Variants in EIPR1 observed in about 807,000 individuals in gnomAD.
EIPR1 encodes EARP and GARP complex-interacting protein 1.
EIPR1 carries 25 observed loss-of-function variants against 48.1 expected under a neutral mutation model. The ratio of observed to expected loss-of-function variants is 0.52; its 90% CI spans 0.38 to 0.73. The LOEUF is 0.73. Among genes scored for constraint, EIPR1 ranks in the 30% least tolerant of loss-of-function variants. The pLI, the probability that EIPR1 is intolerant of heterozygous loss-of-function variation, is 0.00. For synonymous variants in EIPR1, 204 were observed against 201.9 expected (o/e 1.01, Z -0.09); for missense variants, 415 against 506.2 (o/e 0.82, Z 1.73).
intron 4 of EIPR1, among the ~76,000 whole-genome samples, chr2:3,249,099 C>T (rs1216380884): frequency 1.3e-5 from 2 of 152,162 alleles, no homozygotes; most frequent in African/African-American, 4.8e-5. Context: ...AGCTTTGAGA[C>T]TGGGTAACGA....
intron 3 of EIPR1, chr2:3,319,469 C>T (rs1669423689): frequency 6.1e-6 from 1 of 164,348 alleles, no homozygotes; most frequent in Non-Finnish European, 1.3e-5. Context: ...ATCCCGTTAC[C>T]TCATGTATAA....
chr2:3,232,684 C>T (rs1666278971), intron 4 of EIPR1, among the ~76,000 whole-genome samples: 1 of 152,176 alleles, frequency 6.6e-6, no homozygotes. Flanking sequence ...CACACTCACT[C>T]TCCTCTCAGG....
At chr2:3,347,366 G>A (rs946163217) in intron 2 of EIPR1, among the ~76,000 whole-genome samples, 2 of 152,166 alleles carry the variant, frequency 1.3e-5, no homozygotes, top group African/African-American at 4.8e-5. Flanking sequence ...AATCATGGGG[G>A]CAGTTCTTTC....
In EIPR1 at chr2:3,345,126, G is replaced by A. The variant is rs866142995; in HGVS notation, c.127-6977C>T. On this transcript the variant is annotated intron_variant, in intron 2 of 8. Transcript: ENST00000382125. ...GAAAGTGACACAGCCTGTGCAGTGC[G>A]TGGTCAAGGGCTGCGGGGGAGGCTG... Among the ~76,000 whole-genome samples the A allele has an allele frequency of 2.0e-4, 31 of 152,274 alleles. No individual in the cohort carries two copies. In the South Asian group the frequency reaches 3.1e-3, roughly 15 times the overall value.
intron 2 of EIPR1, among the ~76,000 whole-genome samples, chr2:3,339,514 T>C (rs1052222094): frequency 1.3e-5 from 2 of 152,114 alleles, no homozygotes; most frequent in African/African-American, 2.4e-5. Context: ...TCACGTCAAA[T>C]TGTAATCCCA....
In EIPR1 at chr2:3,196,891, G is replaced by T; in HGVS notation, c.643C>A (p.Arg215=). Residue 215 remains arginine, a synonymous_variant, in exon 6 of 9, where the codon CGG becomes AGG. Coordinates refer to ENST00000382125, the MANE Select transcript of EIPR1 (RefSeq NM_003310.5). Reference sequence around the variant, plus strand: ...GGTGGGCTCACTGACCTCATGCTCCGGGTGTCCCAGCCACGGAGGGTGGTG... The same window carrying T: ...GGTGGGCTCACTGACCTCATGCTCCTGGTGTCCCAGCCACGGAGGGTGGTG... ...NDTTLRGWDT[R]SMSQIYCIEN... is the part of the protein sequence containing the mutation. 1 of 1,613,422 alleles carries T rather than the reference G, an allele frequency of 6.2e-7. No homozygotes were observed. The highest frequency in any genetic ancestry group is 1.3e-5 in the African/African-American group (1 of 75,056).
chr2:3,215,889 A>G (rs1665614797), intron 4 of EIPR1, among the ~76,000 whole-genome samples: 2 of 152,256 alleles, frequency 1.3e-5, no homozygotes, highest in South Asian at 4.1e-4. Flanking sequence ...GATCAAAGGC[A>G]CATCACGTCT....
chr2:3,309,165 T>C (rs1199123921), intron 3 of EIPR1, among the ~76,000 whole-genome samples: 1 of 152,156 alleles, frequency 6.6e-6, no homozygotes, highest in African/African-American at 2.4e-5. Flanking sequence ...TGATGGTCAA[T>C]GTACAGAGAG....
chr2:3,268,303 C>G (rs1667554274), intron 3 of EIPR1, among the ~76,000 whole-genome samples: 1 of 152,204 alleles, frequency 6.6e-6, no homozygotes, highest in Non-Finnish European at 1.5e-5. Context: ...GGTTCCCACA[C>G]CCTCTGCACT....
intron 4 of EIPR1, among the ~76,000 whole-genome samples, chr2:3,223,153 C>T (rs918275199): frequency 2.0e-5 from 3 of 152,186 alleles, no homozygotes; most frequent in African/African-American, 4.8e-5. Flanking sequence ...CAGATGACAA[C>T]GAAGAGAGAT....
At chr2:3,211,827 C>T (rs888018933) in intron 5 of EIPR1, among the ~76,000 whole-genome samples, 1 of 152,134 alleles carries the variant, frequency 6.6e-6, no homozygotes, top group African/African-American at 2.4e-5. Context: ...TATTTCGTGG[C>T]GAGTGAAAGC....
chr2:3,256,304 A>C (rs1667152757), intron 4 of EIPR1, among the ~76,000 whole-genome samples: 1 of 152,106 alleles, frequency 6.6e-6, no homozygotes, highest in African/African-American at 2.4e-5. Flanking sequence ...ATAACAATTA[A>C]TGGCTGCTCC....
chr2:3,236,963 T>C (rs2103177663), intron 4 of EIPR1, among the ~76,000 whole-genome samples: 1 of 152,266 alleles, frequency 6.6e-6, no homozygotes, highest in South Asian at 2.1e-4. Context: ...AGCTGCTGAC[T>C]ATACTGATTT....
chr2:3,366,649 T>C (rs35719094), intron 1 of EIPR1, among the ~76,000 whole-genome samples: 10,181 of 152,040 alleles, frequency 0.067, 361 homozygotes, highest in African/African-American at 0.074. Flanking sequence ...ATAAAAAGAA[T>C]GGAAACAAAT....
intron 2 of EIPR1, among the ~76,000 whole-genome samples, chr2:3,352,710 T>C (rs1361456834): frequency 1.3e-5 from 2 of 152,230 alleles, no homozygotes; most frequent in African/African-American, 4.8e-5. Context: ...AGAAAAAGGA[T>C]GAGTGGCTGG....
intron 3 of EIPR1, among the ~76,000 whole-genome samples, chr2:3,280,104 G>A (rs986060762): frequency 6.6e-6 from 1 of 152,244 alleles, no homozygotes; most frequent in Non-Finnish European, 1.5e-5. Context: ...GGAAAGGGAT[G>A]TGTTGTGGTT....
At chr2:3,363,375 A>G (rs1000098279) in intron 1 of EIPR1, among the ~76,000 whole-genome samples, 2 of 152,224 alleles carry the variant, frequency 1.3e-5, no homozygotes, top group Non-Finnish European at 2.9e-5. Flanking sequence ...AACTTAATGA[A>G]GGAATCATCT....
intron 3 of EIPR1, among the ~76,000 whole-genome samples, chr2:3,263,662 G>A (rs1382145237): frequency 2.0e-5 from 3 of 151,804 alleles, no homozygotes; most frequent in East Asian, 1.9e-4. Context: ...GAGGTGGCAC[G>A]GTGCGGCCAG....
chr2:3,302,613 C>G (rs997803442), intron 3 of EIPR1, among the ~76,000 whole-genome samples: 11 of 152,250 alleles, frequency 7.2e-5, no homozygotes, highest in Admixed American at 7.2e-4. Flanking sequence ...ATGGCAGTGA[C>G]GTGACGTCGC....
Sources: gnomAD v4.1 joint callset for allele counts (sites outside exome capture counted in the v4.1 genomes callset) on GRCh38, gnomAD v4.1.1 for gene constraint, MANE v1.5 for transcripts, NCBI Gene and HGNC (gene_info 2026-07-23, HGNC 2026-07-21) for gene names.